Variants in SCEL observed in about 807,000 individuals in gnomAD.
SCEL encodes sciellin.
A neutral mutation model predicts 117.6 loss-of-function variants in SCEL; 113 were observed. That is an observed-to-expected ratio of 0.96 (90% CI 0.83 to 1.12). SCEL has a LOEUF of 1.12. Among genes scored for constraint, SCEL ranks in the 50% most tolerant of loss-of-function variants. SCEL has a pLI of 0.00. For missense variants in SCEL, 785 were observed against 810.8 expected, an observed-to-expected ratio of 0.97 and a Z score of 0.39; for synonymous variants, 270 against 256.2, an observed-to-expected ratio of 1.05 and a Z score of -0.51.
intron 1 of SCEL, among the ~76,000 whole-genome samples, chr13:77,536,601 G>A (rs2083432555): frequency 6.6e-6 from 1 of 152,182 alleles, no homozygotes; most frequent in South Asian, 2.1e-4. Flanking sequence ...TTTTGATAAG[G>A]CTAGAAGAGT....
chr13:77,618,137 C>A, intron 27 of SCEL, 77 bp downstream of exon 27: 1 of 1,068,164 alleles, frequency 9.4e-7, no homozygotes, highest in Non-Finnish European at 1.5e-6. Context: ...TGCCTCCCTG[C>A]CTCCCTCCCT....
intron 11 of SCEL, among the ~76,000 whole-genome samples, 179 bp from the exon 12 acceptor site, chr13:77,593,335 G>C (rs1301764912): frequency 6.6e-6 from 1 of 150,528 alleles, no homozygotes; most frequent in Non-Finnish European, 1.5e-5. Flanking sequence ...GGGGATGTGT[G>C]TGTCTCTGTG....
intron 30 of SCEL, among the ~76,000 whole-genome samples, chr13:77,637,672 C>T (rs1029875715): frequency 6.6e-6 from 1 of 152,134 alleles, no homozygotes; most frequent in Non-Finnish European, 1.5e-5. Flanking sequence ...CCCAGGACTG[C>T]CACATTATTA....
At chr13:77,642,185 A>G (rs982093916) in intron 31 of SCEL, among the ~76,000 whole-genome samples, 5 of 152,144 alleles carry the variant, frequency 3.3e-5, no homozygotes, top group African/African-American at 9.7e-5. Context: ...TTCTATAGCC[A>G]TAGCAATACA....
Position 77,602,429 on chromosome 13 carries a change from G to A in SCEL, c.978-225G>A, listed in dbSNP as rs145880788. ...AATATAAAGGACAAAATTGCACAGC[G>A]AGAGCCACATTGAGAAGCCTTTCTA... On this transcript the variant is annotated intron_variant, in intron 16 of 32. Transcript: ENST00000349847. 5.6e-4 allele frequency: 275 copies of A among 494,644 alleles called. 1 individual carries two copies. Among genetic ancestry groups the A allele is most frequent in the African/African-American group, 4.8e-3 (247 of 51,190 alleles). The allele number at this position is 494,644 out of a possible 1,614,324, so 30.6% of individuals were successfully genotyped here.
At chr13:77,600,939 G>A (rs896001213) in intron 15 of SCEL, among the ~76,000 whole-genome samples, 15 of 152,260 alleles carry the variant, frequency 9.9e-5, no homozygotes, top group Admixed American at 2.0e-4. Flanking sequence ...CAATCTTGGC[G>A]ATGCATTCTT....
At position 77,567,696 on chromosome 13, in the gene SCEL, G is replaced by A; in HGVS notation, c.307G>A (p.Asp103Asn). 6.2e-7 allele frequency: 1 copy of A among 1,608,030 alleles called. No individual in the cohort carries two copies. The stretch of plus-strand genomic sequence containing the variant: ...TTTATAAAGGATCTCAGACAGAAAT[G>A]ATGCTGCTAAAACATATAAGGCCAA... ...DTLDRISDRN[D>N]AAKTYKANTL... Residue 103 changes from aspartate to asparagine, a missense_variant, in exon 6 of 33, where the codon GAT (aspartate) becomes AAT (asparagine). By Grantham distance (23) the Asp-to-Asn change is conservative (BLOSUM62 1). Coordinates refer to ENST00000349847, the MANE Select transcript of SCEL (RefSeq NM_144777.3).
intron 15 of SCEL, among the ~76,000 whole-genome samples, chr13:77,601,814 A>G (rs1225055942): frequency 6.6e-6 from 1 of 152,222 alleles, no homozygotes; most frequent in African/African-American, 2.4e-5. Context: ...TAAAACTTTT[A>G]AGTTGACTCC....
At chr13:77,551,746 A>C (rs766537046) in intron 1 of SCEL, among the ~76,000 whole-genome samples, 94 of 152,114 alleles carry the variant, frequency 6.2e-4, no homozygotes, top group Non-Finnish European at 6.3e-4. Context: ...CACAATGTGC[A>C]GGTTAGTTAC....
chr13:77,616,067 T>C lies in SCEL; in HGVS notation c.1452-1532T>C, dbSNP rs2089012040. Among the ~76,000 whole-genome samples the C allele has an allele frequency of 4.6e-5, 7 of 150,996 alleles. No homozygotes were observed. In the South Asian group the frequency reaches 1.3e-3, roughly 27 times the overall value. On this transcript the variant is annotated intron_variant, in intron 24 of 32. Transcript: ENST00000349847. Reference sequence around the variant, plus strand: ...GTGTGGCTGTCTGTAAAAGACAGTATTAGGCTGTGATGTAAAATGTATTTC... The same window carrying C: ...GTGTGGCTGTCTGTAAAAGACAGTACTAGGCTGTGATGTAAAATGTATTTC...
chr13:77,617,956 C>A, intron 26 of SCEL, 48 bp from the exon 27 acceptor site: 1 of 1,597,260 alleles, frequency 6.3e-7, no homozygotes, highest in Non-Finnish European at 8.6e-7. Context: ...AGCACAACCC[C>A]AAAATCTATT....
In SCEL at chr13:77,555,892, T is replaced by G. The variant is rs1286666894; in HGVS notation, c.17T>G (p.Leu6Trp). The change falls in exon 2 of 33, where the codon TTG (leucine) becomes TGG (tryptophan). Residue 6 changes from leucine (L) to tryptophan (W), a missense_variant. Leu to Trp is a moderately conservative substitution (Grantham distance 61). Transcript: ENST00000349847. The stretch of plus-strand genomic sequence containing the variant: ...GAAGGCAGCATGTCCAATGTTACCT[T>G]GAGAAAAATGTCTCCCACAGGAAAT... MSNVT[L>W]RKMSPTGNEM... is the part of the protein sequence containing the mutation. The G allele has an allele frequency of 5.0e-6, 8 of 1,613,530 alleles. No homozygotes were observed. Among genetic ancestry groups the G allele is most frequent in the Non-Finnish European group, 5.1e-6 (6 of 1,179,564 alleles).
intron 1 of SCEL, among the ~76,000 whole-genome samples, chr13:77,553,932 A>G (rs190114503): frequency 8.5e-5 from 13 of 152,202 alleles, no homozygotes; most frequent in Admixed American, 3.9e-4. Flanking sequence ...TTCTAACTCC[A>G]CTAAGATCTT....
chr13:77,615,870 A>G (rs7329364), intron 24 of SCEL, among the ~76,000 whole-genome samples: 1,966 of 152,160 alleles, frequency 0.013, 29 homozygotes, highest in African/African-American at 0.038. Context: ...GTGGGTTGCA[A>G]CTCATTAAAG....
intron 22 of SCEL, among the ~76,000 whole-genome samples, chr13:77,611,670 C>G (rs1316196838): frequency 1.4e-4 from 22 of 152,108 alleles, no homozygotes. Context: ...ATTTCTTTTA[C>G]TTGGTAGTGA....
chr13:77,551,941 G>A (rs999698470), intron 1 of SCEL, among the ~76,000 whole-genome samples: 11 of 146,310 alleles, frequency 7.5e-5, no homozygotes, highest in Admixed American at 4.9e-4. Context: ...GAGAATATGC[G>A]GTGTTTGGTT....
At chr13:77,575,865 T>G (rs1226308527) in intron 9 of SCEL, among the ~76,000 whole-genome samples, 3 of 152,202 alleles carry the variant, frequency 2.0e-5, no homozygotes, top group Non-Finnish European at 4.4e-5. Flanking sequence ...TCCTTTGAAG[T>G]CTTCTTGTCA....
chr13:77,597,874 A>G (rs1240538587), intron 13 of SCEL, among the ~76,000 whole-genome samples: 2 of 152,096 alleles, frequency 1.3e-5, no homozygotes, highest in East Asian at 3.8e-4. Context: ...TTAATTAACT[A>G]AAATGTAAAC....
chr13:77,641,566 T>C (rs2090558043), intron 31 of SCEL, among the ~76,000 whole-genome samples: 1 of 152,012 alleles, frequency 6.6e-6, no homozygotes, highest in Non-Finnish European at 1.5e-5. Flanking sequence ...TCTGGGGAGA[T>C]GAGGAAAAAT....
Sources: gnomAD v4.1 joint callset for allele counts (sites outside exome capture counted in the v4.1 genomes callset) on GRCh38, gnomAD v4.1.1 for gene constraint, MANE v1.5 for transcripts, NCBI Gene and HGNC (gene_info 2026-07-23, HGNC 2026-07-21) for gene names.